The following IQCM variants were observed in gnomAD, a reference collection of about 807,000 sequenced individuals.
IQCM encodes IQ motif containing M, also known as IQ domain-containing protein M.
IQCM carries 45 observed loss-of-function variants against 57.6 expected under a neutral mutation model. The observed-to-expected ratio is 0.78, with a 90% CI of 0.62 to 1.00. The LOEUF is 1.00. IQCM is among the 50% of genes least tolerant of loss of function. IQCM has a pLI of 0.00. For synonymous variants in IQCM, 148 were observed against 158.9 expected (o/e 0.93, Z 0.51); for missense variants, 468 against 511.6 (o/e 0.91, Z 0.82).
intron 2 of IQCM, among the ~76,000 whole-genome samples, chr4:149,772,902 C>T (rs958786606): frequency 5.9e-5 from 9 of 152,230 alleles, no homozygotes; most frequent in African/African-American, 1.9e-4. Context: ...TTATTAAAGG[C>T]TAGCAGCTAA....
At position 149,454,165 on chromosome 4, in the gene IQCM, T is replaced by C. The variant is rs1343036896; in HGVS notation, c.1229-20608A>G. On this transcript the variant is annotated intron_variant, in intron 12 of 13. Transcript: ENST00000636793. ...AAAATGTGATATATATATATATATA[T>C]ATACACACACACACACACACACACA... Among the ~76,000 whole-genome samples, 368 of 146,878 alleles carry C rather than the reference T, an allele frequency of 2.5e-3. 1 individual carries two copies. The highest frequency in any genetic ancestry group is 8.8e-3 in the African/African-American group (352 of 40,138).
At chr4:149,523,749 GAGAA>G (rs1449096385) in intron 12 of IQCM, among the ~76,000 whole-genome samples, 2 of 152,090 alleles carry the variant, frequency 1.3e-5, no homozygotes, top group African/African-American at 4.8e-5. Context: ...AATGGAAAAT[GAGAA>G]AGAGACTGGA....
intron 12 of IQCM, among the ~76,000 whole-genome samples, chr4:149,449,996 G>A (rs953051236): frequency 2.0e-5 from 3 of 151,758 alleles, no homozygotes; most frequent in Non-Finnish European, 2.9e-5. Context: ...GCATGATACT[G>A]GCATAAAGAC....
At chr4:149,373,846 T>A (rs1730529392) in intron 13 of IQCM, among the ~76,000 whole-genome samples, 1 of 152,020 alleles carries the variant, frequency 6.6e-6, no homozygotes, top group Non-Finnish European at 1.5e-5. Flanking sequence ...GGAACTCAAA[T>A]TCTGGATGTT....
At chr4:149,415,418 G>A (rs933959363) in intron 13 of IQCM, among the ~76,000 whole-genome samples, 11 of 152,088 alleles carry the variant, frequency 7.2e-5, no homozygotes, top group African/African-American at 2.7e-4. Flanking sequence ...GCTTGCCTCG[G>A]TATTATGGAA....
intron 2 of IQCM, among the ~76,000 whole-genome samples, chr4:149,772,590 A>T (rs1425845988): frequency 1.3e-5 from 2 of 152,050 alleles, no homozygotes; most frequent in African/African-American, 4.8e-5. Flanking sequence ...CAAGATGACT[A>T]AAAAAAACTA....
At chr4:149,736,314 C>T (rs935318790) in intron 3 of IQCM, among the ~76,000 whole-genome samples, 1 of 152,146 alleles carries the variant, frequency 6.6e-6, no homozygotes, top group African/African-American at 2.4e-5. Flanking sequence ...CTACATCATT[C>T]TCATTCAGCC....
chr4:149,740,862 T>C (rs1460069908), intron 3 of IQCM, among the ~76,000 whole-genome samples: 2 of 152,028 alleles, frequency 1.3e-5, no homozygotes, highest in Non-Finnish European at 2.9e-5. Flanking sequence ...AGAGAAGGAT[T>C]AGAGTGCCAA....
chr4:149,397,968 G>T (rs2111115437), intron 13 of IQCM, among the ~76,000 whole-genome samples: 1 of 151,870 alleles, frequency 6.6e-6, no homozygotes, highest in South Asian at 2.1e-4. Context: ...TGTACTTTTT[G>T]TGTCGTACCT....
intron 7 of IQCM, among the ~76,000 whole-genome samples, chr4:149,642,453 G>T (rs1331043312): frequency 6.6e-6 from 1 of 152,058 alleles, no homozygotes; most frequent in East Asian, 1.9e-4. Context: ...CCAACTTTAA[G>T]GCAATGAAAT....
At chr4:149,652,997 A>T (rs1301156045) in intron 7 of IQCM, among the ~76,000 whole-genome samples, 1 of 152,182 alleles carries the variant, frequency 6.6e-6, no homozygotes, top group African/African-American at 2.4e-5. Context: ...TCTGCCTATA[A>T]AAAGCAAAGC....
intron 5 of IQCM, among the ~76,000 whole-genome samples, chr4:149,709,592 C>G (rs1764409988): frequency 6.6e-6 from 1 of 152,020 alleles, no homozygotes; most frequent in African/African-American, 2.4e-5. Flanking sequence ...AATGGAGGAT[C>G]CAGTATATTA....
chr4:149,673,679 C>T (rs1435746345), intron 7 of IQCM, among the ~76,000 whole-genome samples: 1 of 152,100 alleles, frequency 6.6e-6, no homozygotes. Context: ...TAATGGGAGA[C>T]TTTAACGCCC....
intron 7 of IQCM, among the ~76,000 whole-genome samples, chr4:149,629,570 GA>G (rs1171234347): frequency 3.3e-5 from 5 of 150,944 alleles, no homozygotes; most frequent in South Asian, 2.1e-4. Context: ...TTAACTAAGA[GA>G]AAAAAAAATT....
chr4:149,389,155 A>G (rs1731662761), intron 13 of IQCM, among the ~76,000 whole-genome samples: 1 of 151,896 alleles, frequency 6.6e-6, no homozygotes, highest in South Asian at 2.1e-4. Flanking sequence ...TCTTGAGCCA[A>G]TTTTTGTGTA....
At chr4:149,474,536 C>T (rs542332465) in intron 12 of IQCM, among the ~76,000 whole-genome samples, 55 of 143,042 alleles carry the variant, frequency 3.8e-4, no homozygotes, top group African/African-American at 1.3e-3. Context: ...GGTGAAACCC[C>T]GTCACTACTA....
chr4:149,557,277 C>T (rs567490620), intron 10 of IQCM, among the ~76,000 whole-genome samples: 2 of 152,258 alleles, frequency 1.3e-5, no homozygotes, highest in South Asian at 4.1e-4. Context: ...ACTTCTGGTA[C>T]CAGAATGGCC....
At chr4:149,623,076 A>G (rs1022446685) in intron 7 of IQCM, among the ~76,000 whole-genome samples, 1 of 152,204 alleles carries the variant, frequency 6.6e-6, no homozygotes, top group African/African-American at 2.4e-5. Flanking sequence ...TGATAAATAT[A>G]TTAACTACCC....
chr4:149,578,566 T>C (rs1216424178), intron 9 of IQCM, among the ~76,000 whole-genome samples: 1 of 151,762 alleles, frequency 6.6e-6, no homozygotes, highest in East Asian at 2.0e-4. Context: ...ATCCAAACTT[T>C]AGTCAGTCAT....
Sources: gnomAD v4.1 joint callset for allele counts (sites outside exome capture counted in the v4.1 genomes callset) on GRCh38, gnomAD v4.1.1 for gene constraint, MANE v1.5 for transcripts, NCBI Gene and HGNC (gene_info 2026-07-23, HGNC 2026-07-21) for gene names.